Variants in CARMIL1 observed in about 807,000 individuals in gnomAD.
CARMIL1 encodes capping protein regulator and myosin 1 linker 1.
Under a neutral mutation model 177.1 loss-of-function variants are expected in CARMIL1, and 90 were observed. The ratio of observed to expected loss-of-function variants is 0.51; its 90% CI spans 0.43 to 0.61. CARMIL1 has a LOEUF of 0.61. Among genes scored for constraint, CARMIL1 ranks in the 20% least tolerant of loss-of-function variants. CARMIL1 has a pLI of 0.00. For synonymous variants in CARMIL1, 577 were observed against 606.2 expected, an observed-to-expected ratio of 0.95 and a Z score of 0.71; for missense variants, 1,380 against 1,667.0, an observed-to-expected ratio of 0.83 and a Z score of 3.00.
chr6:25,421,353 T>C lies in CARMIL1; in HGVS notation c.189+1189T>C, dbSNP rs201840416. Among the ~76,000 whole-genome samples, 843 of 152,102 alleles carry C rather than the reference T, an allele frequency of 5.5e-3. 4 individuals carry two copies. Among genetic ancestry groups the C allele is most frequent in the Non-Finnish European group, 8.5e-3 (578 of 67,964 alleles). ...CATCTCACACCAGTTAGAATGGCAATCATTAAAAAGTCAGGAAACAACAGG... is the reference window on the plus strand; with the variant it reads ...CATCTCACACCAGTTAGAATGGCAACCATTAAAAAGTCAGGAAACAACAGG... On this transcript the variant is annotated intron_variant, in intron 3 of 36. Transcript: ENST00000329474.
chr6:25,296,895 A>G (rs185574811), intron 2 of CARMIL1, among the ~76,000 whole-genome samples: 17 of 29,966 alleles, frequency 5.7e-4, no homozygotes, highest in African/African-American at 3.2e-3. Context: ...ATCTATCTTT[A>G]TCTATCTATC....
chr6:25,493,055 T>G (rs1803386434), intron 15 of CARMIL1, among the ~76,000 whole-genome samples: 1 of 152,232 alleles, frequency 6.6e-6, no homozygotes, highest in Admixed American at 6.5e-5. Flanking sequence ...CTCATATATT[T>G]GAAGCCAGCT....
intron 32 of CARMIL1, among the ~76,000 whole-genome samples, chr6:25,597,899 C>G (rs1343332971): frequency 4.6e-5 from 7 of 152,132 alleles, no homozygotes; most frequent in African/African-American, 9.7e-5. Context: ...CTTCATTGTA[C>G]CTTAGCATTT....
intron 36 of CARMIL1, among the ~76,000 whole-genome samples, chr6:25,618,591 C>A (rs1215613719): frequency 6.6e-6 from 1 of 152,198 alleles, no homozygotes; most frequent in Non-Finnish European, 1.5e-5. Flanking sequence ...AGAGACAGAT[C>A]TAGTTTAAAT....
chr6:25,448,682 C>T (rs73734008), intron 5 of CARMIL1, among the ~76,000 whole-genome samples: 1,951 of 152,278 alleles, frequency 0.013, 35 homozygotes, highest in African/African-American at 0.039. Context: ...CCTGGTTATT[C>T]GTCTGTTTCT....
chr6:25,388,916 C>G (rs1410159235), intron 2 of CARMIL1, among the ~76,000 whole-genome samples: 2 of 152,050 alleles, frequency 1.3e-5, no homozygotes, highest in Non-Finnish European at 2.9e-5. Context: ...TTCATGGCCT[C>G]AAGCGATCTT....
Position 25,581,319 on chromosome 6 carries a change from A to G in CARMIL1, c.2886A>G (p.Arg962=). The G allele has an allele frequency of 6.2e-7, 1 of 1,613,878 alleles. No individual in the cohort carries two copies. The highest frequency in any genetic ancestry group is 8.5e-7 in the Non-Finnish European group (1 of 1,179,852). The change falls in exon 31 of 37, where the codon AGA becomes AGG. Residue 962 remains arginine (R), a synonymous_variant. Coordinates refer to ENST00000329474, the MANE Select transcript of CARMIL1 (RefSeq NM_017640.6). ...AAGACCCGCCCTTCCCATCCCTCAG[A>G]CAGGAGAAGCGGAGCTCGGGATTTA... ...HIEDPPFPSL[R]QEKRSSGFIS... is the part of the protein sequence containing the mutation.
At chr6:25,408,940 A>G (rs1794656104) in intron 2 of CARMIL1, among the ~76,000 whole-genome samples, 1 of 152,126 alleles carries the variant, frequency 6.6e-6, no homozygotes, top group Non-Finnish European at 1.5e-5. Flanking sequence ...TACCCCTTTA[A>G]TCCCCACAAC....
intron 24 of CARMIL1, among the ~76,000 whole-genome samples, chr6:25,534,188 C>T (rs1437176557): frequency 6.6e-6 from 1 of 151,824 alleles, no homozygotes; most frequent in Non-Finnish European, 1.5e-5. Context: ...CTGCTTTCCA[C>T]AGCCCATGTT....
intron 32 of CARMIL1, among the ~76,000 whole-genome samples, chr6:25,598,729 T>C (rs1307712759): frequency 6.6e-6 from 1 of 152,170 alleles, no homozygotes; most frequent in Non-Finnish European, 1.5e-5. Flanking sequence ...TTTTTTCTCT[T>C]CCGTGTTGAA....
At chr6:25,556,585 C>A in intron 28 of CARMIL1, 116 bp from the exon 29 acceptor site, 1 of 822,908 alleles carries the variant, frequency 1.2e-6, no homozygotes. Context: ...TTGTCCTTGT[C>A]ACTCGTCAGC....
At chr6:25,598,099 T>A (rs932858952) in intron 32 of CARMIL1, among the ~76,000 whole-genome samples, 15 of 152,166 alleles carry the variant, frequency 9.9e-5, no homozygotes, top group South Asian at 2.1e-4. Context: ...TTTTATTTTT[T>A]AATTTTTTTA....
chr6:25,315,326 G>A (rs1339999720), intron 2 of CARMIL1, among the ~76,000 whole-genome samples: 3 of 152,198 alleles, frequency 2.0e-5, no homozygotes, highest in African/African-American at 7.2e-5. Flanking sequence ...TTGATCCTTT[G>A]TCTTGGTAGG....
chr6:25,290,029 T>C (rs373044497), intron 2 of CARMIL1, among the ~76,000 whole-genome samples: 1 of 152,368 alleles, frequency 6.6e-6, no homozygotes, highest in East Asian at 1.9e-4. Flanking sequence ...TGTACCATTA[T>C]ATGGTTTTAC....
intron 23 of CARMIL1, among the ~76,000 whole-genome samples, chr6:25,528,464 A>G (rs1807388538): frequency 6.6e-6 from 1 of 152,208 alleles, no homozygotes; most frequent in Admixed American, 6.5e-5. Flanking sequence ...CATGTGAGAG[A>G]AGGATTGAGA....
intron 31 of CARMIL1, among the ~76,000 whole-genome samples, chr6:25,587,995 A>T (rs985647391): frequency 2.6e-5 from 4 of 152,326 alleles, no homozygotes; most frequent in South Asian, 2.1e-4. Context: ...AAAAGGCAAT[A>T]AAAAAACCAC....
intron 2 of CARMIL1, among the ~76,000 whole-genome samples, chr6:25,337,587 T>C (rs1786395300): frequency 6.6e-6 from 1 of 152,196 alleles, no homozygotes; most frequent in African/African-American, 2.4e-5. Flanking sequence ...ACTTCTGAAC[T>C]GTATGGTGGT....
At chr6:25,314,612 G>GT (rs1784134632) in intron 2 of CARMIL1, among the ~76,000 whole-genome samples, 1 of 119,892 alleles carries the variant, frequency 8.3e-6, no homozygotes. Flanking sequence ...AGTTAAGCTA[G>GT]TTTTTGCCCT....
At chr6:25,386,569 A>G (rs1279969355) in intron 2 of CARMIL1, among the ~76,000 whole-genome samples, 1 of 152,038 alleles carries the variant, frequency 6.6e-6, no homozygotes, top group Admixed American at 6.6e-5. Flanking sequence ...ATATCTTGCT[A>G]CTTGAACTTT....
Sources: gnomAD v4.1 joint callset for allele counts (sites outside exome capture counted in the v4.1 genomes callset) on GRCh38, gnomAD v4.1.1 for gene constraint, MANE v1.5 for transcripts, NCBI Gene and HGNC (gene_info 2026-07-23, HGNC 2026-07-21) for gene names.